ELFN1: variants seen among roughly 807,000 people sequenced by gnomAD.
The protein encoded by ELFN1 is extracellular leucine rich repeat and fibronectin type III domain containing 1.
A neutral mutation model predicts 7.6 loss-of-function variants in ELFN1; 6 were observed. The observed-to-expected ratio is 0.79, with a 90% CI of 0.43 to 1.56. ELFN1 has a LOEUF of 1.56. Ranked by LOEUF, ELFN1 falls within the 40% of genes most tolerant of loss-of-function variation. ELFN1 has a pLI of 0.01. For synonymous variants in ELFN1, 657 were observed against 588.1 expected, an observed-to-expected ratio of 1.12 and a Z score of -1.70; for missense variants, 1,169 against 1,232.2, an observed-to-expected ratio of 0.95 and a Z score of 0.77.
intron 2 of ELFN1, among the ~76,000 whole-genome samples, chr7:1,702,780 C>T (rs764258468): frequency 6.6e-6 from 1 of 151,346 alleles, no homozygotes; most frequent in Non-Finnish European, 1.5e-5. Context: ...AGCTTCGTTT[C>T]TTTCTTTCTG....
chr7:1,684,814 CAT>C (rs1018629173), intron 1 of ELFN1, among the ~76,000 whole-genome samples: 19 of 152,020 alleles, frequency 1.2e-4, no homozygotes, highest in African/African-American at 4.3e-4. Flanking sequence ...TATGTTATAA[CAT>C]ATAACAATAT....
intron 1 of ELFN1, among the ~76,000 whole-genome samples, chr7:1,674,863 G>A (rs1017288136): frequency 2.0e-5 from 3 of 152,126 alleles, no homozygotes; most frequent in Non-Finnish European, 2.9e-5. Context: ...CCTTCGGCCC[G>A]GGCCAGCCCA....
At chr7:1,743,088 T>TG (rs58540651) in intron 3 of ELFN1, among the ~76,000 whole-genome samples, 6 of 151,542 alleles carry the variant, frequency 4.0e-5, no homozygotes, top group Non-Finnish European at 8.8e-5. Context: ...AGGGTAGTGG[T>TG]GGGGGGGTCC....
intron 3 of ELFN1, among the ~76,000 whole-genome samples, chr7:1,738,392 A>G (rs146654757): frequency 4.6e-5 from 7 of 152,258 alleles, no homozygotes; most frequent in African/African-American, 1.2e-4. Context: ...CCCTGCGGGC[A>G]TGTCATATCT....
chr7:1,716,179 C>G (rs1263460692), intron 3 of ELFN1, among the ~76,000 whole-genome samples: 1 of 152,232 alleles, frequency 6.6e-6, no homozygotes, highest in Non-Finnish European at 1.5e-5. Context: ...ACCCCAAGGT[C>G]CTGCCCACCC....
chr7:1,699,904 T>G (rs1779390632), intron 2 of ELFN1, among the ~76,000 whole-genome samples: 1 of 152,166 alleles, frequency 6.6e-6, no homozygotes, highest in Non-Finnish European at 1.5e-5. Context: ...GGCACCATGT[T>G]GGCCAGGCTG....
chr7:1,697,569 G>A (rs1005455790), intron 2 of ELFN1, among the ~76,000 whole-genome samples: 2 of 152,162 alleles, frequency 1.3e-5, no homozygotes, highest in African/African-American at 2.4e-5. Flanking sequence ...CTGTCTTCTC[G>A]TCCACGCACC....
At position 1,742,796 on chromosome 7, in the gene ELFN1, C is replaced by T. The variant is rs77681022; in HGVS notation, c.-293-1508C>T. Among the ~76,000 whole-genome samples the T allele has an allele frequency of 3.4e-3, 517 of 152,278 alleles. 4 individuals are homozygous for T. The highest frequency in any genetic ancestry group is 0.023 in the East Asian group (117 of 5,180). Reference sequence around the variant, plus strand: ...CAGAAATAGACTCTTCTCCAGGAGCCGGAACAAAATTGTTCTTTATGAAGT... The same window carrying T: ...CAGAAATAGACTCTTCTCCAGGAGCTGGAACAAAATTGTTCTTTATGAAGT... On this transcript the variant is annotated intron_variant, in intron 3 of 3. Transcript: ENST00000424383.
In ELFN1 at chr7:1,746,006, G is replaced by C; in HGVS notation, c.1410G>C (p.Lys470Asn). The C allele has an allele frequency of 6.5e-7, 1 of 1,544,624 alleles. No homozygotes were observed. Among genetic ancestry groups the C allele is most frequent in the South Asian group, 1.2e-5 (1 of 83,704 alleles). ...GSLKKTIIEL[K>N]YGPELEAPGL... ...TCAAGAAGACCATCATCGAGCTCAA[G>C]TACGGGCCAGAGCTGGAGGCGCCCG... Residue 470 changes from lysine (K) to asparagine (N), a missense_variant, in exon 4 of 4, where the codon AAG becomes AAC. Coordinates refer to ENST00000424383, the MANE Select transcript of ELFN1 (RefSeq NM_001128636.4).
Position 1,746,163 on chromosome 7 carries a change from G to C in ELFN1, c.1567G>C (p.Gly523Arg). 1 of 1,549,708 alleles carries C rather than the reference G, an allele frequency of 6.5e-7. No individual in the cohort carries two copies. Among genetic ancestry groups the C allele is most frequent in the South Asian group, 1.2e-5 (1 of 84,004 alleles). Residue 523 changes from glycine to arginine, a missense_variant, in exon 4 of 4, where the codon GGC becomes CGC. Physicochemically the swap from Gly to Arg is moderately radical, Grantham distance 125. This residue lies in a region of ELFN1 where 914 missense variants were observed against 872.6 expected (regional missense o/e 1.05). Coordinates refer to ENST00000424383, the MANE Select transcript of ELFN1 (RefSeq NM_001128636.4). Reference sequence around the variant, plus strand: ...CGCGGACACCCCCAAGGCCAGCAAGGGCAGCTACATGGAGGTTCGAACCGG... The same window carrying C: ...CGCGGACACCCCCAAGGCCAGCAAGCGCAGCTACATGGAGGTTCGAACCGG... ...ESADTPKASK[G>R]SYMEVRTGDP...
chr7:1,691,391 G>A (rs1779160655), intron 2 of ELFN1, among the ~76,000 whole-genome samples: 1 of 152,330 alleles, frequency 6.6e-6, no homozygotes, highest in South Asian at 2.1e-4. Flanking sequence ...CTGGCAACAA[G>A]CATTGATTGA....
chr7:1,722,471 A>G (rs1339184985), intron 3 of ELFN1, among the ~76,000 whole-genome samples: 2 of 151,446 alleles, frequency 1.3e-5, no homozygotes, highest in African/African-American at 4.9e-5. Flanking sequence ...ATTTCACCAT[A>G]TGGGTCAGGC....
rs1780580577 is a variant in ELFN1, at chr7:1,740,578, C to G, written c.-293-3726C>G. ...CCAGCTGGAAAGGGCTTTGGGGGGG[C>G]CTGTGGTCTGTCCAGAACCTTCCTA... is the stretch of plus-strand genomic sequence containing the variant. On this transcript the variant is annotated intron_variant, in intron 3 of 3. Transcript: ENST00000424383. This position sits in a 1 kb window ranked among gnomAD's most constrained non-coding sequence, Gnocchi z 5.0. 6.6e-6 allele frequency among the ~76,000 whole-genome samples: 1 copy of G among 152,106 alleles called. No homozygotes were observed. The highest frequency in any genetic ancestry group is 1.5e-5 in the Non-Finnish European group (1 of 68,004).
In ELFN1 at chr7:1,744,767, G is replaced by T. The variant is rs1353308394; in HGVS notation, c.171G>T (p.Gln57His). Reference protein sequence around the residue: ...NQPPYEAIPQQINSTIVDLRL... With the variant: ...NQPPYEAIPQHINSTIVDLRL... ...CCCCCTACGAGGCCATCCCACAGCAGATCAACAGCACCATCGTGGACCTGC... is the reference window on the plus strand; with the variant it reads ...CCCCCTACGAGGCCATCCCACAGCATATCAACAGCACCATCGTGGACCTGC... The change falls in exon 4 of 4, where the codon CAG (glutamine) becomes CAT (histidine). Residue 57 changes from glutamine to histidine, a missense_variant. Physicochemically the swap from Gln to His is conservative, Grantham distance 24 (BLOSUM62 0). Around this residue, in one of 2 missense-constraint regions of ELFN1, gnomAD observed 255 missense variants for 359.6 expected, o/e 0.71. Coordinates refer to ENST00000424383, the MANE Select transcript of ELFN1 (RefSeq NM_001128636.4). The T allele has an allele frequency of 6.4e-7, 1 of 1,554,934 alleles. No homozygotes were observed. The highest frequency in any genetic ancestry group is 8.7e-7 in the Non-Finnish European group (1 of 1,148,746).
At chr7:1,687,137 G>C (rs1306871505) in intron 1 of ELFN1, among the ~76,000 whole-genome samples, 1 of 152,124 alleles carries the variant, frequency 6.6e-6, no homozygotes, top group Non-Finnish European at 1.5e-5. Context: ...GGAGGTGCGG[G>C]GGGAGATGGG....
upstream of ELFN1, among the ~76,000 whole-genome samples, chr7:1,667,941 G>C (rs1351610488): frequency 7.0e-6 from 1 of 142,430 alleles, no homozygotes; most frequent in Non-Finnish European, 1.6e-5. This position sits in a 1 kb window ranked among gnomAD's most constrained non-coding sequence, Gnocchi z 8.2. Context: ...GGTCGCAGCC[G>C]GACGGCGCAG....
At position 1,745,928 on chromosome 7, in the gene ELFN1, G is replaced by A. The variant is rs532829046; in HGVS notation, c.1332G>A (p.Arg444=). The part of the protein sequence containing the change: ...GAVYYCLRRR[R]RQEEKHKKAA... ...TCTACTACTGCCTGCGCAGGCGGCG[G>A]CGCCAGGAGGAGAAGCACAAGAAGG... The change falls in exon 4 of 4, where the codon CGG becomes CGA. Residue 444 remains arginine, a synonymous_variant. Coordinates refer to ENST00000424383, the MANE Select transcript of ELFN1 (RefSeq NM_001128636.4). The A allele has an allele frequency of 3.3e-5, 51 of 1,564,028 alleles. No homozygotes were observed. The African/African-American group carries it at 6.8e-4, about 21-fold the overall frequency.
In ELFN1 at chr7:1,740,600, C is replaced by T. The variant is rs1220743389; in HGVS notation, c.-293-3704C>T. Among the ~76,000 whole-genome samples, 6 of 152,158 alleles carry T rather than the reference C, an allele frequency of 3.9e-5. No homozygotes were observed. Among genetic ancestry groups the T allele is most frequent in the Non-Finnish European group, 7.3e-5 (5 of 68,036 alleles). ...GGGCCTGTGGTCTGTCCAGAACCTT[C>T]CTAGGTGATTCGGCCTTTCCCTGTT... On this transcript the variant is annotated intron_variant, in intron 3 of 3. Transcript: ENST00000424383. The surrounding 1 kb of genome is among the most constrained non-coding windows in gnomAD (Gnocchi z 5.0).
At chr7:1,741,056 G>A (rs1780595545) in intron 3 of ELFN1, among the ~76,000 whole-genome samples, 1 of 151,676 alleles carries the variant, frequency 6.6e-6, no homozygotes, top group African/African-American at 2.4e-5. Flanking sequence ...CTTGAACCCA[G>A]GAGGCAGAGG....
Sources: allele counts gnomAD v4.1 joint callset (sites outside exome capture counted in the v4.1 genomes callset), GRCh38; gene constraint gnomAD v4.1.1; regional missense constraint gnomAD v4.1.1; non-coding constraint Gnocchi (gnomAD v3.1); transcripts MANE v1.5; gene names NCBI Gene and HGNC (gene_info 2026-07-23, HGNC 2026-07-21).